The following SLTM variants were observed in gnomAD, a reference collection of about 807,000 sequenced individuals.
SLTM encodes SAFB like transcription modulator, also known as SAFB-like transcription modulator.
In SLTM, 43 loss-of-function variants were observed where a neutral mutation model predicts 134.6. That is an observed-to-expected ratio of 0.32 (90% confidence interval 0.25 to 0.41). The LOEUF (loss-of-function observed/expected upper bound fraction) is 0.41. SLTM is among the 10% of genes least tolerant of loss of function. SLTM has a pLI of 1.00. For missense variants in SLTM, 1,055 were observed against 1,288.8 expected (o/e 0.82, Z 2.78); for synonymous variants, 424 against 432.3 (o/e 0.98, Z 0.24).
intron 2 of SLTM, among the ~76,000 whole-genome samples, chr15:58,927,143 TA>T (rs1411712371): frequency 1.3e-5 from 2 of 151,842 alleles, no homozygotes; most frequent in African/African-American, 4.8e-5. Context: ...GAGGCACCTT[TA>T]AAAAAAAGAT....
chr15:58,893,264 T>C lies in SLTM; in HGVS notation c.1734+15A>G, dbSNP rs1239402806. 1 of 1,590,996 alleles carries C rather than the reference T, an allele frequency of 6.3e-7. No individual in the cohort carries two copies. Among genetic ancestry groups the C allele is most frequent in the Non-Finnish European group, 8.6e-7 (1 of 1,163,062 alleles). ...CAGCTGAAGTAGTATACAACCATCC[T>C]GATCAGAGACTTACTTTCTCATATC... On this transcript the variant is annotated intron_variant, in intron 13 of 20. Coordinates refer to ENST00000380516, the MANE Select transcript of SLTM (RefSeq NM_024755.4).
intron 6 of SLTM, among the ~76,000 whole-genome samples, chr15:58,900,141 C>G (rs2035366552): frequency 6.6e-6 from 1 of 151,412 alleles, no homozygotes; most frequent in Non-Finnish European, 1.5e-5. Context: ...AAAAAATGAT[C>G]TCTACATACA....
intron 2 of SLTM, among the ~76,000 whole-genome samples, chr15:58,931,952 T>C (rs766694938): frequency 4.6e-5 from 7 of 152,206 alleles, no homozygotes; most frequent in Middle Eastern, 3.2e-3. Flanking sequence ...ATAAAGGTTA[T>C]AGAATTTTAA....
At chr15:58,928,658 C>T (rs1205611364) in intron 2 of SLTM, among the ~76,000 whole-genome samples, 1 of 151,652 alleles carries the variant, frequency 6.6e-6, no homozygotes, top group African/African-American at 2.4e-5. Context: ...AGAAAGTTAC[C>T]CTATAGTTAT....
intron 2 of SLTM, among the ~76,000 whole-genome samples, chr15:58,927,479 C>A (rs2037560782): frequency 6.6e-6 from 1 of 152,156 alleles, no homozygotes; most frequent in African/African-American, 2.4e-5. Context: ...CCATGTTAGC[C>A]AGTCTGGTCT....
At chr15:58,907,616 G>A (rs1352810763) in intron 5 of SLTM, among the ~76,000 whole-genome samples, 1 of 145,366 alleles carries the variant, frequency 6.9e-6, no homozygotes, top group African/African-American at 2.5e-5. Context: ...GCAAGACCAG[G>A]TCTCAACAAC....
At chr15:58,930,546 T>A (rs1394061950) in intron 2 of SLTM, among the ~76,000 whole-genome samples, 2 of 151,688 alleles carry the variant, frequency 1.3e-5, no homozygotes, top group East Asian at 3.9e-4. Flanking sequence ...CTGATAAAAA[T>A]AAATAATGTT....
rs1200506262 is a variant in SLTM at position 58,896,984 on chromosome 15, A to G, written c.1227+131T>C. 2.0e-5 allele frequency: 12 copies of G among 588,726 alleles called. No homozygotes were observed. The African/African-American group carries it at 2.1e-4, about 10-fold the overall frequency. 36.5% of individuals were successfully genotyped at this position (588,726 alleles called of 1,614,324 possible). A position where few individuals can be genotyped will look rare whatever the true frequency, so the allele number is the denominator to read the frequency against. ...TCATCTACCATTACCACAGAACTCA[A>G]TAATTATGTCTATTAACAGTCCTAA... On this transcript the variant is annotated intron_variant, in intron 9 of 20. Coordinates refer to ENST00000380516, the MANE Select transcript of SLTM (RefSeq NM_024755.4).
intron 7 of SLTM, 115 bp from the exon 8 acceptor site, chr15:58,898,967 T>C: frequency 1.4e-6 from 1 of 706,902 alleles, no homozygotes; most frequent in Non-Finnish European, 2.4e-6. Flanking sequence ...AAATTAACAA[T>C]TCCAAAGGCC....
intron 2 of SLTM, among the ~76,000 whole-genome samples, chr15:58,920,719 G>A (rs1444058472): frequency 6.6e-5 from 10 of 151,810 alleles, no homozygotes; most frequent in African/African-American, 2.2e-4. Context: ...ACTTTGGGAG[G>A]CAGAGGTGGG....
chr15:58,920,260 G>C (rs908918276), intron 2 of SLTM, among the ~76,000 whole-genome samples: 1 of 151,894 alleles, frequency 6.6e-6, no homozygotes, highest in Non-Finnish European at 1.5e-5. Context: ...AGTGGAGGTT[G>C]CGGTAAGCTG....
chr15:58,922,907 G>T (rs1333994992), intron 2 of SLTM, among the ~76,000 whole-genome samples: 1 of 151,692 alleles, frequency 6.6e-6, no homozygotes, highest in African/African-American at 2.4e-5. Context: ...GTAGAGATGG[G>T]GTTTCACCAA....
chr15:58,924,304 TA>T (rs2037309710), intron 2 of SLTM, among the ~76,000 whole-genome samples: 1 of 152,202 alleles, frequency 6.6e-6, no homozygotes, highest in South Asian at 2.1e-4. Flanking sequence ...TTTGAGGGCC[TA>T]AAGTAAAATG....
At chr15:58,910,644 G>A (rs1189144728) in intron 5 of SLTM, among the ~76,000 whole-genome samples, 1 of 151,880 alleles carries the variant, frequency 6.6e-6, no homozygotes, top group East Asian at 1.9e-4. Context: ...CTAATATCTA[G>A]CTGCCAAATA....
In SLTM at chr15:58,879,815, A is replaced by G. The variant is rs1448515187; in HGVS notation, c.*184T>C. The G allele has an allele frequency of 1.3e-5, 9 of 695,416 alleles. No homozygotes were observed. The highest frequency in any genetic ancestry group is 2.0e-5 in the Non-Finnish European group (9 of 458,908). The allele number at this position is 695,416 out of a possible 1,614,324, so 43.1% of individuals were successfully genotyped here. On this transcript the variant is annotated 3_prime_UTR_variant, in exon 21 of 21. Coordinates refer to ENST00000380516, the MANE Select transcript of SLTM (RefSeq NM_024755.4). ...AGTTGAATGATACACAAAACTATTAAAAGTTACAACAGAACTATTTAAACA... is the reference window on the plus strand; with the variant it reads ...AGTTGAATGATACACAAAACTATTAGAAGTTACAACAGAACTATTTAAACA...
intron 5 of SLTM, among the ~76,000 whole-genome samples, chr15:58,910,624 T>C (rs1204573321): frequency 1.3e-5 from 2 of 152,244 alleles, no homozygotes; most frequent in East Asian, 3.8e-4. Flanking sequence ...GGAGTAGTCC[T>C]TGACAGAAGC....
intron 5 of SLTM, among the ~76,000 whole-genome samples, chr15:58,910,855 C>T (rs2036221856): frequency 6.6e-6 from 1 of 151,630 alleles, no homozygotes. Flanking sequence ...AGCCATTCTC[C>T]TGCCTCAGCC....
intron 14 of SLTM, among the ~76,000 whole-genome samples, chr15:58,891,934 C>A (rs968570243): frequency 6.6e-6 from 1 of 152,220 alleles, no homozygotes; most frequent in East Asian, 1.9e-4. Flanking sequence ...CAATCCCACT[C>A]TCCTCTCAAT....
chr15:58,922,326 G>A (rs1188644811), intron 2 of SLTM, among the ~76,000 whole-genome samples: 3 of 126,724 alleles, frequency 2.4e-5, no homozygotes, highest in Non-Finnish European at 4.6e-5. Context: ...GCAGTGAGCC[G>A]AGATCATGCC....
Sources: allele counts gnomAD v4.1 joint callset (sites outside exome capture counted in the v4.1 genomes callset), GRCh38; gene constraint gnomAD v4.1.1; transcripts MANE v1.5; gene names NCBI Gene and HGNC (gene_info 2026-07-23, HGNC 2026-07-21).